Variants in TMEM74 observed in about 807,000 individuals in gnomAD.
TMEM74 encodes the protein transmembrane protein 74.
Under a neutral mutation model 18.1 loss-of-function variants are expected in TMEM74, and 13 were observed. That is an observed-to-expected ratio of 0.72 (90% CI 0.47 to 1.14). The LOEUF is 1.14. Ranked by LOEUF, TMEM74 falls within the 50% of genes most tolerant of loss-of-function variation. TMEM74 has a pLI of 0.00. For missense variants in TMEM74, 372 were observed against 375.9 expected, an observed-to-expected ratio of 0.99 and a Z score of 0.09; for synonymous variants, 159 against 146.6, an observed-to-expected ratio of 1.08 and a Z score of -0.61.
At chr8:108,688,141 C>A (rs552943284) in intron 1 of TMEM74, among the ~76,000 whole-genome samples, 4 of 152,094 alleles carry the variant, frequency 2.6e-5, no homozygotes, top group African/African-American at 7.2e-5. Context: ...TTAAAGAGAT[C>A]GATAATGGCC....
chr8:108,761,193 G>A (rs535355624), intron 1 of TMEM74, among the ~76,000 whole-genome samples: 1 of 152,146 alleles, frequency 6.6e-6, no homozygotes, highest in Non-Finnish European at 1.5e-5. Context: ...CACTATAGTG[G>A]TTAGAAGCAT....
intron 2 of TMEM74, among the ~76,000 whole-genome samples, chr8:108,632,484 AGAT>A (rs1812562485): frequency 6.6e-6 from 1 of 152,058 alleles, no homozygotes; most frequent in Admixed American, 6.6e-5. Context: ...AAATTTTAAA[AGAT>A]GATGAGAAAT....
At chr8:108,623,046 C>T (rs1375956954) in intron 2 of TMEM74, among the ~76,000 whole-genome samples, 1 of 151,958 alleles carries the variant, frequency 6.6e-6, no homozygotes, top group Non-Finnish European at 1.5e-5. Flanking sequence ...ATTTTGCCAA[C>T]CTCTCCTTTT....
At chr8:108,641,566 C>T (rs1365145311) in intron 2 of TMEM74, among the ~76,000 whole-genome samples, 1 of 152,106 alleles carries the variant, frequency 6.6e-6, no homozygotes, top group East Asian at 1.9e-4. Context: ...AACTCACCCA[C>T]AATACAGCTT....
chr8:108,616,434 G>A (rs191970633), intron 2 of TMEM74, among the ~76,000 whole-genome samples: 1 of 152,206 alleles, frequency 6.6e-6, no homozygotes, highest in East Asian at 1.9e-4. Flanking sequence ...CTGACATCAT[G>A]CACTCATTTT....
At chr8:108,671,894 G>T (rs964544998) in intron 1 of TMEM74, among the ~76,000 whole-genome samples, 5 of 152,188 alleles carry the variant, frequency 3.3e-5, no homozygotes, top group Admixed American at 1.3e-4. Context: ...AAGGAAGTTA[G>T]CCTAGTGCCA....
intron 1 of TMEM74, among the ~76,000 whole-genome samples, chr8:108,733,027 A>T (rs1338546822): frequency 6.6e-6 from 1 of 152,200 alleles, no homozygotes; most frequent in Non-Finnish European, 1.5e-5. Context: ...AATGTGGAGC[A>T]TCTGGAACTT....
chr8:108,655,549 T>C (rs1460201638), intron 1 of TMEM74: 1 of 152,120 alleles, frequency 6.6e-6, no homozygotes, highest in Non-Finnish European at 1.5e-5. Flanking sequence ...AAAGCCAAAA[T>C]CATTGATGGC....
intron 2 of TMEM74, among the ~76,000 whole-genome samples, chr8:108,633,184 C>T (rs1812573534): frequency 6.6e-6 from 1 of 151,818 alleles, no homozygotes; most frequent in Non-Finnish European, 1.5e-5. Context: ...TGACTTTTTC[C>T]CCCACCATTT....
chr8:108,764,713 T>C (rs894049876), intron 1 of TMEM74, among the ~76,000 whole-genome samples: 1 of 152,176 alleles, frequency 6.6e-6, no homozygotes, highest in Admixed American at 6.5e-5. Context: ...AGAGGGAATA[T>C]GAGCTTGAAC....
intron 1 of TMEM74, among the ~76,000 whole-genome samples, chr8:108,713,804 C>A (rs1276447470): frequency 6.6e-6 from 1 of 152,152 alleles, no homozygotes; most frequent in Non-Finnish European, 1.5e-5. Flanking sequence ...GCTGGAGACC[C>A]TGCAATGCTG....
intron 1 of TMEM74, among the ~76,000 whole-genome samples, chr8:108,718,087 T>C (rs1813546606): frequency 9.5e-6 from 1 of 105,802 alleles, no homozygotes; most frequent in African/African-American, 5.8e-5. Context: ...GCCTCCCGAG[T>C]AGCTGGGACT....
chr8:108,753,059 T>A (rs1813919215), intron 1 of TMEM74, among the ~76,000 whole-genome samples: 1 of 152,142 alleles, frequency 6.6e-6, no homozygotes, highest in Non-Finnish European at 1.5e-5. Flanking sequence ...TGTGTTCATT[T>A]TTCTAAGCTT....
At chr8:108,626,766 T>G (rs1357449865) in intron 2 of TMEM74, 1 of 152,054 alleles carries the variant, frequency 6.6e-6, no homozygotes, top group East Asian at 1.9e-4. Context: ...TGCTAGACCC[T>G]ATCTGTCTAT....
At chr8:108,657,894 ATATATATATT>A (rs1316036986) in intron 1 of TMEM74, among the ~76,000 whole-genome samples, 3 of 121,866 alleles carry the variant, frequency 2.5e-5, no homozygotes, top group Non-Finnish European at 3.3e-5. Context: ...ATATATATAT[ATATATATATT>A]AATTACATAT....
At chr8:108,608,541 G>A (rs1471653509) in intron 3 of TMEM74, among the ~76,000 whole-genome samples, 1 of 152,162 alleles carries the variant, frequency 6.6e-6, no homozygotes, top group Non-Finnish European at 1.5e-5. Flanking sequence ...AGCCTTTGGA[G>A]TAGAGTTTCT....
intron 1 of TMEM74, among the ~76,000 whole-genome samples, chr8:108,765,726 C>T (rs911493429): frequency 6.6e-6 from 1 of 151,896 alleles, no homozygotes; most frequent in African/African-American, 2.4e-5. Context: ...TTACTTTTAA[C>T]GTTAATAACA....
intron 2 of TMEM74, among the ~76,000 whole-genome samples, chr8:108,631,077 G>T (rs1053190191): frequency 1.9e-4 from 29 of 152,122 alleles, no homozygotes; most frequent in Middle Eastern, 3.4e-3. Flanking sequence ...CTGAAGAAAA[G>T]CCACTTGGAC....
At chr8:108,774,787 C>A (rs1438976923), downstream of TMEM74, among the ~76,000 whole-genome samples, 1 of 143,378 alleles carries the variant, frequency 7.0e-6, no homozygotes, top group Non-Finnish European at 1.5e-5. Flanking sequence ...TCTGTAGAGA[C>A]CAGGTCTCAC....
Sources: gnomAD v4.1 joint callset for allele counts (sites outside exome capture counted in the v4.1 genomes callset) on GRCh38, gnomAD v4.1.1 for gene constraint, MANE v1.5 for transcripts, NCBI Gene and HGNC (gene_info 2026-07-23, HGNC 2026-07-21) for gene names.